Variants in PRKG2 observed in about 807,000 individuals in gnomAD.
PRKG2 encodes the protein protein kinase cGMP-dependent 2.
In PRKG2, 33 loss-of-function variants were observed where a neutral mutation model predicts 97.2. The observed-to-expected ratio is 0.34, with a 90% confidence interval of 0.26 to 0.45. The LOEUF is 0.45. Among genes scored for constraint, PRKG2 ranks in the 20% least tolerant of loss-of-function variants. PRKG2 has a pLI of 1.00. For synonymous variants in PRKG2, 330 were observed against 321.8 expected, an observed-to-expected ratio of 1.03 and a Z score of -0.27; for missense variants, 638 against 900.0, an observed-to-expected ratio of 0.71 and a Z score of 3.73.
intron 6 of PRKG2, among the ~76,000 whole-genome samples, chr4:81,156,652 T>C (rs1350247707): frequency 2.0e-5 from 3 of 152,130 alleles, no homozygotes; most frequent in Non-Finnish European, 4.4e-5. Flanking sequence ...ACGCCACACC[T>C]ACTCCAAAAT....
upstream of PRKG2, among the ~76,000 whole-genome samples, chr4:81,217,090 C>CCAAT (rs1231345884): frequency 7.2e-6 from 1 of 139,132 alleles, no homozygotes; most frequent in Non-Finnish European, 1.5e-5. Context: ...ATTTATAAAT[C>CCAAT]CAATCACCCC....
chr4:81,151,941 A>G lies in PRKG2; in HGVS notation c.1085+19T>C. On this transcript the variant is annotated intron_variant, in intron 8 of 18. Transcript: ENST00000264399. ...CGAAGCATTTTATCCAAAGTATGGCATATAATTCATGAATTCACCTGATAA... is the reference window on the plus strand; with the variant it reads ...CGAAGCATTTTATCCAAAGTATGGCGTATAATTCATGAATTCACCTGATAA... The G allele has an allele frequency of 6.4e-7, 1 of 1,557,162 alleles. No homozygotes were observed. The highest frequency in any genetic ancestry group is 1.7e-4 in the Middle Eastern group (1 of 5,904).
In PRKG2 at chr4:81,087,782, T is replaced by TA. The variant is rs1358758348; in HGVS notation, c.*1925dup. On this transcript the variant is annotated 3_prime_UTR_variant, in exon 19 of 19. Transcript: ENST00000264399. Reference sequence around the variant, plus strand: ...CTTTTAAAGTACTCTAAGGAAACAATAAAAAATCACATGGGAGGATAACAC... The same window carrying TA: ...CTTTTAAAGTACTCTAAGGAAACAATAAAAAAATCACATGGGAGGATAACAC... 2 of 152,000 alleles carry TA rather than the reference T, an allele frequency of 1.3e-5. No homozygotes were observed. Among genetic ancestry groups the TA allele is most frequent in the East Asian group, 1.9e-4 (1 of 5,196 alleles). The allele number at this position is 152,000 out of a possible 1,614,324, so 9.4% of individuals were successfully genotyped here. A position where few individuals can be genotyped will look rare whatever the true frequency, so the allele number is the denominator to read the frequency against.
chr4:81,208,749 A>G (rs547543153), intron 1 of PRKG2, among the ~76,000 whole-genome samples: 3 of 151,874 alleles, frequency 2.0e-5, no homozygotes, highest in Non-Finnish European at 4.4e-5. Flanking sequence ...GGAGTAAGGG[A>G]CTCTTACTTT....
intron 6 of PRKG2, among the ~76,000 whole-genome samples, chr4:81,154,909 T>G (rs1748868984): frequency 6.6e-6 from 1 of 151,972 alleles, no homozygotes. Flanking sequence ...GCGCGGTGGC[T>G]CACGCCTGTA....
intron 18 of PRKG2, 26 bp downstream of exon 18, chr4:81,092,360 A>T: frequency 6.9e-7 from 1 of 1,458,412 alleles, no homozygotes; most frequent in Non-Finnish European, 9.3e-7. Flanking sequence ...GAAAAAAATA[A>T]AAAAGTAATA....
intron 9 of PRKG2, among the ~76,000 whole-genome samples, chr4:81,147,173 T>C (rs564136481): frequency 7.2e-5 from 11 of 152,304 alleles, no homozygotes; most frequent in South Asian, 2.1e-4. Context: ...ATCCTCTTTA[T>C]GGATTATGAA....
intron 14 of PRKG2, among the ~76,000 whole-genome samples, chr4:81,123,466 A>G (rs1052166032): frequency 2.0e-5 from 3 of 152,160 alleles, no homozygotes; most frequent in Non-Finnish European, 4.4e-5. Flanking sequence ...GTGCAGTGGC[A>G]CGATCTCGGC....
At chr4:81,130,530 C>G (rs1490805077) in intron 14 of PRKG2, among the ~76,000 whole-genome samples, 1 of 152,146 alleles carries the variant, frequency 6.6e-6, no homozygotes, top group African/African-American at 2.4e-5. Context: ...TCTGGGAGAT[C>G]CCCTCCTCTC....
chr4:81,101,254 A>G (rs1250238007), intron 17 of PRKG2, among the ~76,000 whole-genome samples: 5 of 152,092 alleles, frequency 3.3e-5, no homozygotes, highest in Non-Finnish European at 7.3e-5. Context: ...CTGCTATAAA[A>G]ACACATGCAC....
chr4:81,170,069 G>A (rs1750327609), intron 4 of PRKG2, among the ~76,000 whole-genome samples: 1 of 152,066 alleles, frequency 6.6e-6, no homozygotes, highest in African/African-American at 2.4e-5. Context: ...TAGATCATCA[G>A]GATGTGCTCT....
intron 2 of PRKG2, among the ~76,000 whole-genome samples, chr4:81,187,005 C>G (rs1751940541): frequency 1.3e-5 from 2 of 150,514 alleles, no homozygotes; most frequent in African/African-American, 5.0e-5. Context: ...TCAAAAAAAG[C>G]CCAAAACCAG....
chr4:81,108,701 C>T (rs1461306703), intron 15 of PRKG2, among the ~76,000 whole-genome samples: 2 of 151,906 alleles, frequency 1.3e-5, no homozygotes, highest in Admixed American at 6.6e-5. Flanking sequence ...TTGAGCCCAG[C>T]CTGGGTAACA....
intron 1 of PRKG2, among the ~76,000 whole-genome samples, chr4:81,208,390 A>G (rs1365384945): frequency 6.6e-6 from 1 of 152,166 alleles, no homozygotes; most frequent in Non-Finnish European, 1.5e-5. Flanking sequence ...ACAGAAGTCT[A>G]GTAAACTGGA....
At position 81,088,597 on chromosome 4, in the gene PRKG2, T is replaced by C. The variant is rs1256738137; in HGVS notation, c.*1111A>G. On this transcript the variant is annotated 3_prime_UTR_variant, in exon 19 of 19. Transcript: ENST00000264399. ...GGGATGCTGTTGTCCCTTTTACTTC[T>C]GAAATCCTATCACTTTTCTGGTGGC... 6.6e-6 allele frequency: 1 copy of C among 152,176 alleles called. No individual in the cohort carries two copies. Among genetic ancestry groups the C allele is most frequent in the African/African-American group, 2.4e-5 (1 of 41,438 alleles). 9.4% of individuals were successfully genotyped at this position (152,176 alleles called of 1,614,324 possible).
intron 15 of PRKG2, among the ~76,000 whole-genome samples, chr4:81,107,333 G>C (rs1743446446): frequency 6.6e-6 from 1 of 152,072 alleles, no homozygotes; most frequent in African/African-American, 2.4e-5. Flanking sequence ...AGAATTGATG[G>C]TATCATCAAG....
intron 10 of PRKG2, 73 bp from the exon 11 acceptor site, chr4:81,143,020 A>T (rs949437395): frequency 1.4e-6 from 2 of 1,446,028 alleles, no homozygotes; most frequent in Non-Finnish European, 1.8e-6. Context: ...CATAAATTTC[A>T]CTCCTACGAC....
chr4:81,179,861 GC>G (rs1210521855), intron 2 of PRKG2, among the ~76,000 whole-genome samples: 4 of 151,890 alleles, frequency 2.6e-5, no homozygotes, highest in African/African-American at 9.7e-5. Flanking sequence ...ACAAGGATAG[GC>G]CGGGCGCAGT....
intron 1 of PRKG2, among the ~76,000 whole-genome samples, chr4:81,207,840 T>C (rs938295573): frequency 2.6e-5 from 4 of 152,196 alleles, no homozygotes; most frequent in South Asian, 2.1e-4. Flanking sequence ...CATTTAAATA[T>C]TGCTGTCCCT....
Sources: allele counts gnomAD v4.1 joint callset (sites outside exome capture counted in the v4.1 genomes callset), GRCh38; gene constraint gnomAD v4.1.1; transcripts MANE v1.5; gene names NCBI Gene and HGNC (gene_info 2026-07-23, HGNC 2026-07-21).